Variants in STARD3 observed in about 807,000 individuals in gnomAD.
The protein encoded by STARD3 is StAR related lipid transfer domain containing 3.
A neutral mutation model predicts 62.0 loss-of-function variants in STARD3; 39 were observed. That is an observed-to-expected ratio of 0.63 (90% CI 0.49 to 0.82). The LOEUF (loss-of-function observed/expected upper bound fraction) is 0.82. Ranked by LOEUF, STARD3 falls within the 40% of genes least tolerant of loss-of-function variation. STARD3 has a pLI of 0.00. For missense variants in STARD3, 543 were observed against 584.5 expected (o/e 0.93, Z 0.73); for synonymous variants, 229 against 242.4 (o/e 0.94, Z 0.51).
Position 39,660,621 on chromosome 17 carries a change from C to T in STARD3, c.954+95C>T. 1.4e-6 allele frequency: 2 copies of T among 1,444,762 alleles called. No individual in the cohort carries two copies. Among genetic ancestry groups the T allele is most frequent in the East Asian group, 2.3e-5 (1 of 43,894 alleles). The allele number at this position is 1,444,762 out of a possible 1,614,324, so 89.5% of individuals were successfully genotyped here. On this transcript the variant is annotated intron_variant, in intron 11 of 14. Coordinates refer to ENST00000336308, the MANE Select transcript of STARD3 (RefSeq NM_006804.4). The surrounding 1 kb of genome is among the most constrained non-coding windows in gnomAD (Gnocchi z 4.8). ...GCACTCAGCGCCTCAGCTGCCCCATCTGTACAGTGGGTGTGATGGTAACAG... is the reference window on the plus strand; with the variant it reads ...GCACTCAGCGCCTCAGCTGCCCCATTTGTACAGTGGGTGTGATGGTAACAG...
chr17:39,650,291 G>T (rs1368896698), intron 1 of STARD3, among the ~76,000 whole-genome samples: 1 of 152,178 alleles, frequency 6.6e-6, no homozygotes, highest in Non-Finnish European at 1.5e-5. Flanking sequence ...GCGAAGACCG[G>T]TCGGCGTTTG....
Position 39,660,342 on chromosome 17 carries a change from C to CCCA in STARD3, c.858+71_858+72insACC, listed in dbSNP as rs1485883167. On this transcript the variant is annotated intron_variant, in intron 10 of 14. Coordinates refer to ENST00000336308, the MANE Select transcript of STARD3 (RefSeq NM_006804.4). This position sits in a 1 kb window ranked among gnomAD's most constrained non-coding sequence, Gnocchi z 4.8. ...GAGGCTCCAGGAAGGTGCCGAGGGG[C>CCCA]CCTCTGGTGGGTGCCCCCCACCAAG... The CCCA allele has an allele frequency of 1.9e-6, 3 of 1,611,134 alleles. No homozygotes were observed. Among genetic ancestry groups the CCCA allele is most frequent in the Non-Finnish European group, 2.5e-6 (3 of 1,177,780 alleles).
chr17:39,652,893 G>A (rs1357606308), intron 1 of STARD3: 2 of 154,212 alleles, frequency 1.3e-5, no homozygotes, highest in African/African-American at 4.8e-5. Context: ...GGTGGTGGTT[G>A]GACCTAGGCA....
chr17:39,657,975 C>CACG lies in STARD3; in HGVS notation c.382_384dup (p.Thr128dup), dbSNP rs754828243. On this transcript the variant is annotated inframe_insertion, in exon 5 of 15. Transcript: ENST00000336308. ...TCCTCCCTCCCTCCCCTGGGCAGGT[C>CACG]ACGACGCTGGTGTCCAGTGCATTCC... is the stretch of plus-strand genomic sequence containing the variant. The CACG allele has an allele frequency of 3.2e-6, 5 of 1,586,896 alleles. No individual in the cohort carries two copies. The highest frequency in any genetic ancestry group is 1.7e-4 in the Middle Eastern group (1 of 5,976).
At chr17:39,658,692 C>T in intron 6 of STARD3, 30 bp from the exon 7 acceptor site, 1 of 1,613,478 alleles carries the variant, frequency 6.2e-7, no homozygotes, top group East Asian at 2.2e-5. Flanking sequence ...TGTAACTGTC[C>T]TCGGTCCGGG....
At chr17:39,637,302 G>C (rs59438000) in intron 1 of STARD3, 71 bp downstream of exon 1, 9,628 of 152,384 alleles carry the variant, frequency 0.063, 833 homozygotes, top group African/African-American at 0.2. Context: ...AACCCGCTTC[G>C]CCGCCCGCTG....
chr17:39,649,820 C>T (rs192694451), intron 1 of STARD3, among the ~76,000 whole-genome samples: 247 of 145,100 alleles, frequency 1.7e-3, no homozygotes, highest in Admixed American at 8.9e-3. Context: ...GAGCTGGGAT[C>T]GCGCCACTGC....
At chr17:39,656,238 T>C (rs1162030873) in intron 2 of STARD3, among the ~76,000 whole-genome samples, 1 of 152,142 alleles carries the variant, frequency 6.6e-6, no homozygotes, top group African/African-American at 2.4e-5. Context: ...TCTCCAGGGC[T>C]CCTGGGCTCC....
At position 39,660,154 on chromosome 17, in the gene STARD3, C is replaced by T; in HGVS notation, c.796-57C>T. On this transcript the variant is annotated intron_variant, in intron 9 of 14. Coordinates refer to ENST00000336308, the MANE Select transcript of STARD3 (RefSeq NM_006804.4). This position sits in a 1 kb window ranked among gnomAD's most constrained non-coding sequence, Gnocchi z 4.8. ...CCCTGCCTGTCACCCATTTCTGTGC[C>T]ACCAGCCCACCCCCTGCCTCCACTC... is the stretch of plus-strand genomic sequence containing the variant. The T allele has an allele frequency of 6.3e-7, 1 of 1,593,672 alleles. No homozygotes were observed. Among genetic ancestry groups the T allele is most frequent in the South Asian group, 1.1e-5 (1 of 90,630 alleles).
At chr17:39,644,181 T>C (rs2057004835) in intron 1 of STARD3, among the ~76,000 whole-genome samples, 1 of 152,182 alleles carries the variant, frequency 6.6e-6, no homozygotes, top group South Asian at 2.1e-4. Flanking sequence ...GAGAACCCAC[T>C]CTGCCCAGAG....
intron 3 of STARD3, among the ~76,000 whole-genome samples, chr17:39,657,492 A>G (rs943652031): frequency 2.0e-5 from 3 of 149,360 alleles, no homozygotes; most frequent in African/African-American, 7.4e-5. Context: ...GTGCCACCGC[A>G]CTCCAGCCTG....
At position 39,660,457 on chromosome 17, in the gene STARD3, C is replaced by A; in HGVS notation, c.885C>A (p.Leu295=). 6.2e-7 allele frequency: 1 copy of A among 1,613,960 alleles called. No individual in the cohort carries two copies. Among genetic ancestry groups the A allele is most frequent in the Non-Finnish European group, 8.5e-7 (1 of 1,180,034 alleles). ...CCTTCCTGCCCTGTCCTGCGGAGCT[C>A]GTGTACCAGGAGGTGATCCTGCAGC... The part of the protein sequence containing the change: ...LKTFLPCPAE[L]VYQEVILQPE... Residue 295 remains leucine, a synonymous_variant, in exon 11 of 15, where the codon CTC becomes CTA. Coordinates refer to ENST00000336308, the MANE Select transcript of STARD3 (RefSeq NM_006804.4). This position sits in a 1 kb window ranked among gnomAD's most constrained non-coding sequence, Gnocchi z 4.8.
At chr17:39,647,224 C>T (rs2057034951) in intron 1 of STARD3, among the ~76,000 whole-genome samples, 1 of 151,516 alleles carries the variant, frequency 6.6e-6, no homozygotes, top group Admixed American at 6.6e-5. Flanking sequence ...AAAAAACCCT[C>T]CACTTTCCCC....
At position 39,660,103 on chromosome 17, in the gene STARD3, T is replaced by C; in HGVS notation, c.796-108T>C. 8.9e-7 allele frequency: 1 copy of C among 1,125,536 alleles called. No homozygotes were observed. Among genetic ancestry groups the C allele is most frequent in the Non-Finnish European group, 1.3e-6 (1 of 740,858 alleles). 69.7% of individuals were successfully genotyped at this position (1,125,536 alleles called of 1,614,324 possible). ...CAGGTGTCCCCAAACTCCTGGAGTTTTCCACCCTGAGCTGTTAAAAACCTG... is the reference window on the plus strand; with the variant it reads ...CAGGTGTCCCCAAACTCCTGGAGTTCTCCACCCTGAGCTGTTAAAAACCTG... On this transcript the variant is annotated intron_variant, in intron 9 of 14. Transcript: ENST00000336308. This position sits in a 1 kb window ranked among gnomAD's most constrained non-coding sequence, Gnocchi z 4.8.
intron 1 of STARD3, among the ~76,000 whole-genome samples, chr17:39,648,799 G>A (rs1198570655): frequency 6.6e-6 from 1 of 152,190 alleles, no homozygotes; most frequent in East Asian, 1.9e-4. Context: ...CTCTGCTCTA[G>A]CCCCATCTGC....
At chr17:39,662,213 C>G (rs1160563668) in intron 13 of STARD3, 38 bp from the exon 14 acceptor site, 5 of 1,591,894 alleles carry the variant, frequency 3.1e-6, no homozygotes, top group Middle Eastern at 1.9e-4. Context: ...GGGCCTCACT[C>G]TGTTCCAAAG....
chr17:39,656,493 C>T (rs1011341108), intron 2 of STARD3, among the ~76,000 whole-genome samples: 13 of 152,186 alleles, frequency 8.5e-5, no homozygotes, highest in Non-Finnish European at 1.5e-4. Flanking sequence ...CCACTTCACC[C>T]TCTCAAGCAG....
chr17:39,651,221 G>A (rs1251355466), intron 1 of STARD3, among the ~76,000 whole-genome samples: 7 of 152,342 alleles, frequency 4.6e-5, no homozygotes, highest in Non-Finnish European at 8.8e-5. Context: ...GTCAGTTCCT[G>A]TTTGTGGGGG....
At chr17:39,640,125 T>C (rs1176250171) in intron 1 of STARD3, among the ~76,000 whole-genome samples, 1 of 152,184 alleles carries the variant, frequency 6.6e-6, no homozygotes, top group Non-Finnish European at 1.5e-5. Flanking sequence ...GCATGTTGCA[T>C]TAAGTTGAGC....
Sources: allele counts gnomAD v4.1 joint callset (sites outside exome capture counted in the v4.1 genomes callset), GRCh38; gene constraint gnomAD v4.1.1; non-coding constraint Gnocchi (gnomAD v3.1); transcripts MANE v1.5; gene names NCBI Gene and HGNC (gene_info 2026-07-23, HGNC 2026-07-21).